The following ARNT2 variants were observed in gnomAD, a reference collection of about 807,000 sequenced individuals.
ARNT2 encodes the protein aryl hydrocarbon receptor nuclear translocator 2, also known as ARNT protein 2.
ARNT2 carries 36 observed loss-of-function variants against 91.7 expected under a neutral mutation model. The ratio of observed to expected loss-of-function variants is 0.39; its 90% CI spans 0.30 to 0.52. ARNT2 has a LOEUF of 0.52. Ranked by LOEUF, ARNT2 falls within the 20% of genes least tolerant of loss-of-function variation. The pLI, the probability that ARNT2 is intolerant of heterozygous loss-of-function variation, is 0.72. For missense variants in ARNT2, 775 were observed against 939.3 expected (o/e 0.83, Z 2.29); for synonymous variants, 365 against 347.1 (o/e 1.05, Z -0.57).
At chr15:80,482,617 C>G (rs1236191358) in intron 5 of ARNT2, among the ~76,000 whole-genome samples, 3 of 152,108 alleles carry the variant, frequency 2.0e-5, no homozygotes, top group Non-Finnish European at 2.9e-5. Flanking sequence ...CCCTGGGGCA[C>G]CAGGAGCCAG....
chr15:80,581,662 G>A (rs1428557287), intron 17 of ARNT2, among the ~76,000 whole-genome samples: 1 of 152,168 alleles, frequency 6.6e-6, no homozygotes, highest in East Asian at 1.9e-4. Flanking sequence ...GAGGTGATCT[G>A]AATACCATTT....
intron 1 of ARNT2, among the ~76,000 whole-genome samples, chr15:80,437,766 C>G (rs1896112413): frequency 6.6e-6 from 1 of 152,186 alleles, no homozygotes; most frequent in African/African-American, 2.4e-5. Flanking sequence ...TTTCACTTAC[C>G]TTCGATTACA....
At chr15:80,507,217 G>A (rs1438268125) in intron 5 of ARNT2, among the ~76,000 whole-genome samples, 1 of 152,184 alleles carries the variant, frequency 6.6e-6, no homozygotes, top group Non-Finnish European at 1.5e-5. Context: ...GGTAGAAATA[G>A]CCACGTGGGA....
In ARNT2 at chr15:80,561,023, A is replaced by G. The variant is rs559053316; in HGVS notation, c.1165-2065A>G. Among the ~76,000 whole-genome samples, 32 of 152,314 alleles carry G rather than the reference A, an allele frequency of 2.1e-4. 1 individual carries two copies. Among genetic ancestry groups the G allele is most frequent in the African/African-American group, 7.5e-4 (31 of 41,560 alleles). On this transcript the variant is annotated intron_variant, in intron 11 of 18. Transcript: ENST00000303329. The stretch of plus-strand genomic sequence containing the variant: ...GCCCCAGCCGTGGGGCCAGCACACC[A>G]TTGAGTCCCTGCGGGAAGTGTGCTC...
At chr15:80,510,590 GGAGGCCAAGGCGGGCAGATCAC>G (rs59988745) in intron 6 of ARNT2, among the ~76,000 whole-genome samples, 13,231 of 84,844 alleles carry the variant, frequency 0.16, 1,678 homozygotes, top group African/African-American at 0.31. Context: ...CAGCATTTTG[GGAGGCCAAGGCGGGCAGATCAC>G]GAGGTCAAGA....
Position 80,591,795 on chromosome 15 carries a change from C to G in ARNT2, c.2055+91C>G. On this transcript the variant is annotated intron_variant, in intron 18 of 18. Transcript: ENST00000303329. The surrounding 1 kb of genome is among the most constrained non-coding windows in gnomAD (Gnocchi z 5.1). ...GGTCTCTGCCGCACCACCGCCTGCC[C>G]GATAGCCGTCGTGAGTTCTGGCCCA... 1.3e-6 allele frequency: 2 copies of G among 1,560,364 alleles called. No individual in the cohort carries two copies. Among genetic ancestry groups the G allele is most frequent in the Non-Finnish European group, 1.7e-6 (2 of 1,149,906 alleles).
intron 8 of ARNT2, among the ~76,000 whole-genome samples, chr15:80,546,275 G>A (rs1364867443): frequency 6.6e-6 from 1 of 152,070 alleles, no homozygotes; most frequent in Non-Finnish European, 1.5e-5. Flanking sequence ...CCTGCCTTTC[G>A]AGATGGCTGC....
chr15:80,407,182 G>T (rs1346124890), intron 1 of ARNT2, among the ~76,000 whole-genome samples: 1 of 152,178 alleles, frequency 6.6e-6, no homozygotes, highest in Non-Finnish European at 1.5e-5. Context: ...TCTGCTGCTA[G>T]TTCGTGTCCA....
intron 8 of ARNT2, among the ~76,000 whole-genome samples, chr15:80,517,736 A>G (rs1036545964): frequency 6.6e-6 from 1 of 151,364 alleles, no homozygotes; most frequent in Non-Finnish European, 1.5e-5. Context: ...TGTTCAGCCT[A>G]CTGATGAGTC....
At chr15:80,553,981 C>T (rs1317800246) in intron 10 of ARNT2, among the ~76,000 whole-genome samples, 1 of 152,216 alleles carries the variant, frequency 6.6e-6, no homozygotes, top group Non-Finnish European at 1.5e-5. Context: ...TATCTAGTGG[C>T]ACCTCCCAGG....
intron 8 of ARNT2, 53 bp from the exon 9 acceptor site, chr15:80,551,146 T>C: frequency 6.5e-7 from 1 of 1,545,742 alleles, no homozygotes; most frequent in Non-Finnish European, 8.9e-7. Context: ...ACTTTTCTTC[T>C]TTCCCATTCA....
chr15:80,440,467 A>G (rs566159470), intron 1 of ARNT2, among the ~76,000 whole-genome samples: 1 of 152,318 alleles, frequency 6.6e-6, no homozygotes, highest in African/African-American at 2.4e-5. Flanking sequence ...ACTTCAGCCC[A>G]CAGGGTGGAG....
intron 18 of ARNT2, among the ~76,000 whole-genome samples, chr15:80,593,346 C>T (rs896729664): frequency 2.6e-5 from 4 of 152,238 alleles, no homozygotes; most frequent in African/African-American, 4.8e-5. Context: ...CCTGACTCAA[C>T]CTTAGATAGA....
At chr15:80,584,262 C>A (rs368135718) in intron 17 of ARNT2, among the ~76,000 whole-genome samples, 1 of 152,268 alleles carries the variant, frequency 6.6e-6, no homozygotes, top group South Asian at 2.1e-4. Flanking sequence ...TTGGGGTTCA[C>A]ATCAGAGGTG....
In ARNT2 at chr15:80,498,490, C is replaced by T. The variant is rs974105727; in HGVS notation, c.623-9666C>T. ...AGTGAAAAGAGGCTGTATTAATGAC[C>T]GTCCTAGGACAATAGGCAAAAGCTA... On this transcript the variant is annotated intron_variant, in intron 5 of 18. Transcript: ENST00000303329. Among the ~76,000 whole-genome samples, 6 of 152,266 alleles carry T rather than the reference C, an allele frequency of 3.9e-5. 1 individual carries two copies. In the South Asian group the frequency reaches 6.2e-4, roughly 16 times the overall value.
At chr15:80,512,491 G>A (rs1290404066) in intron 6 of ARNT2, among the ~76,000 whole-genome samples, 2 of 152,208 alleles carry the variant, frequency 1.3e-5, no homozygotes, top group Non-Finnish European at 2.9e-5. Context: ...CAGACTGCCT[G>A]CCCCTCTTTC....
chr15:80,577,296 A>G (rs1162391971), intron 15 of ARNT2, among the ~76,000 whole-genome samples: 1 of 152,244 alleles, frequency 6.6e-6, no homozygotes, highest in Non-Finnish European at 1.5e-5. Flanking sequence ...ACAAGGTAGC[A>G]GGAAGTATCC....
chr15:80,407,376 A>T (rs1327208751), intron 1 of ARNT2, among the ~76,000 whole-genome samples: 1 of 152,016 alleles, frequency 6.6e-6, no homozygotes, highest in Non-Finnish European at 1.5e-5. Context: ...TACTCATGTT[A>T]CTCTGTGGAT....
intron 8 of ARNT2, among the ~76,000 whole-genome samples, chr15:80,517,403 T>C (rs902313012): frequency 2.6e-5 from 4 of 152,174 alleles, no homozygotes; most frequent in Admixed American, 6.5e-5. Context: ...CTCCTTCAGT[T>C]TGAATATAAC....
Sources: allele counts gnomAD v4.1 joint callset (sites outside exome capture counted in the v4.1 genomes callset), GRCh38; gene constraint gnomAD v4.1.1; non-coding constraint Gnocchi (gnomAD v3.1); transcripts MANE v1.5; gene names NCBI Gene and HGNC (gene_info 2026-07-23, HGNC 2026-07-21).